The following CTNNA1 variants were observed in gnomAD, a reference collection of about 807,000 sequenced individuals.
CTNNA1 encodes the protein catenin alpha 1, also known as catenin alpha-1.
Under a neutral mutation model 98.4 loss-of-function variants are expected in CTNNA1, and 37 were observed. The ratio of observed to expected loss-of-function variants is 0.38; its 90% CI spans 0.29 to 0.49. The LOEUF (loss-of-function observed/expected upper bound fraction) is 0.49. Among genes scored for constraint, CTNNA1 ranks in the 20% least tolerant of loss-of-function variants. CTNNA1 has a pLI of 0.95. For missense variants in CTNNA1, 761 were observed against 1,147.2 expected (o/e 0.66, Z 4.86); for synonymous variants, 404 against 413.2 (o/e 0.98, Z 0.27).
At chr5:138,822,991 A>G (rs891232677) in intron 5 of CTNNA1, among the ~76,000 whole-genome samples, 1 of 152,144 alleles carries the variant, frequency 6.6e-6, no homozygotes, top group Non-Finnish European at 1.5e-5. Flanking sequence ...AACTTGGTCA[A>G]TTTTCTGTTA....
At chr5:138,860,273 C>G (rs977283474) in intron 7 of CTNNA1, among the ~76,000 whole-genome samples, 1 of 152,002 alleles carries the variant, frequency 6.6e-6, no homozygotes, top group African/African-American at 2.4e-5. Context: ...TCAGATAAAC[C>G]GTTTATAGTT....
chr5:138,827,166 T>C (rs1760809381), intron 6 of CTNNA1, among the ~76,000 whole-genome samples: 1 of 152,250 alleles, frequency 6.6e-6, no homozygotes, highest in Non-Finnish European at 1.5e-5. Flanking sequence ...GAGGTAACTT[T>C]TATTTTCCTT....
intron 16 of CTNNA1, chr5:138,931,758 GCT>G (rs762131395): frequency 1.8e-5 from 18 of 985,472 alleles, no homozygotes; most frequent in Non-Finnish European, 2.0e-5. Flanking sequence ...AGATCACATG[GCT>G]CTGCCCTGCT....
At chr5:138,911,748 G>A (rs1198883146) in intron 10 of CTNNA1, among the ~76,000 whole-genome samples, 1 of 152,192 alleles carries the variant, frequency 6.6e-6, no homozygotes. Context: ...TACATTTGTG[G>A]TAATTTATTA....
chr5:138,825,389 A>G (rs1760555818), intron 6 of CTNNA1, among the ~76,000 whole-genome samples: 1 of 151,620 alleles, frequency 6.6e-6, no homozygotes, highest in South Asian at 2.1e-4. Context: ...TGTCCTGTGT[A>G]CACAACTCTT....
chr5:138,785,216 T>C (rs1311357151), intron 3 of CTNNA1, among the ~76,000 whole-genome samples: 3 of 151,052 alleles, frequency 2.0e-5, no homozygotes, highest in South Asian at 2.1e-4. Context: ...CGCCCGCCAC[T>C]ACGCCCGGCT....
intron 11 of CTNNA1, among the ~76,000 whole-genome samples, chr5:138,922,218 C>T (rs1479664441): frequency 6.6e-6 from 1 of 152,124 alleles, no homozygotes; most frequent in South Asian, 2.1e-4. Flanking sequence ...CTTTTTAACT[C>T]GTGATCTAAC....
At chr5:138,902,451 G>A (rs1453625089) in intron 9 of CTNNA1, among the ~76,000 whole-genome samples, 1 of 152,148 alleles carries the variant, frequency 6.6e-6, no homozygotes, top group Non-Finnish European at 1.5e-5. Flanking sequence ...ACGGAGTCTC[G>A]CTCTGTCGCC....
intron 5 of CTNNA1, among the ~76,000 whole-genome samples, chr5:138,815,650 T>C (rs1759359727): frequency 6.6e-6 from 1 of 152,222 alleles, no homozygotes. Flanking sequence ...GTATAGTCTC[T>C]AAACTGCCTT....
intron 7 of CTNNA1, among the ~76,000 whole-genome samples, chr5:138,833,321 C>T (rs1336562910): frequency 6.6e-6 from 1 of 152,178 alleles, no homozygotes; most frequent in African/African-American, 2.4e-5. Flanking sequence ...TTCTAGCTCT[C>T]TGCTATTCAG....
intron 7 of CTNNA1, among the ~76,000 whole-genome samples, chr5:138,883,039 A>G (rs1226434848): frequency 6.6e-6 from 1 of 151,974 alleles, no homozygotes; most frequent in Non-Finnish European, 1.5e-5. Flanking sequence ...ATTTCACCAT[A>G]TTGGTCAGGC....
chr5:138,887,129 T>TTA (rs907990637), intron 8 of CTNNA1, among the ~76,000 whole-genome samples: 16 of 152,198 alleles, frequency 1.1e-4, no homozygotes, highest in Admixed American at 9.2e-4. Context: ...ATTAGGCTAA[T>TTA]TATATATATA....
At chr5:138,845,204 A>T (rs1196599773) in intron 7 of CTNNA1, among the ~76,000 whole-genome samples, 2 of 152,324 alleles carry the variant, frequency 1.3e-5, no homozygotes, top group Middle Eastern at 6.8e-3. Flanking sequence ...GGCCCACGAA[A>T]ATGAGCTGCT....
At chr5:138,854,832 A>G (rs1763579059) in intron 7 of CTNNA1, among the ~76,000 whole-genome samples, 1 of 151,928 alleles carries the variant, frequency 6.6e-6, no homozygotes, top group Non-Finnish European at 1.5e-5. Flanking sequence ...TGTACTTCAT[A>G]CTCCACGGGA....
chr5:138,914,874 G>A (rs1561727439), intron 10 of CTNNA1, among the ~76,000 whole-genome samples: 1 of 152,070 alleles, frequency 6.6e-6, no homozygotes, highest in South Asian at 2.1e-4. Flanking sequence ...TGGGCCGGGC[G>A]CAGTGGCTCC....
chr5:138,829,175 GA>G (rs1428409313), intron 7 of CTNNA1, among the ~76,000 whole-genome samples: 2 of 152,112 alleles, frequency 1.3e-5, no homozygotes, highest in Admixed American at 6.5e-5. Flanking sequence ...AATGAGATTA[GA>G]GGTTTTGTTA....
At position 138,813,312 on chromosome 5, in the gene CTNNA1, G is replaced by A. The variant is rs1759037541; in HGVS notation, c.588+1010G>A. On this transcript the variant is annotated intron_variant, in intron 5 of 17. Coordinates refer to ENST00000302763, the MANE Select transcript of CTNNA1 (RefSeq NM_001903.5). ...ACAAAAAGGACTGTTCCTTCCATAT[G>A]TCTCTCTTTATAAGCAAACAATCTA... 2.0e-5 allele frequency among the ~76,000 whole-genome samples: 3 copies of A among 152,290 alleles called. No homozygotes were observed. In the South Asian group the frequency reaches 6.2e-4, roughly 32 times the overall value.
rs1414571764 is a variant in CTNNA1 at position 138,930,549 on chromosome 5, G to A, written c.2087G>A (p.Ser696Asn). ...GTGGCCAGCTTCCAGGAAGAAAAGA[G>A]CAAGCTGGATGCTGAAGTGTCCAAA... The part of the protein sequence containing the change: ...EQVASFQEEK[S>N]KLDAEVSKWD... The change falls in exon 15 of 18, where the codon AGC becomes AAC. Residue 696 changes from serine to asparagine, a missense_variant. Ser to Asn is a conservative substitution (Grantham distance 46). This residue lies in a region of CTNNA1 where 77 missense variants were observed against 198.8 expected (regional missense o/e 0.39). Transcript: ENST00000302763. The A allele has an allele frequency of 6.2e-7, 1 of 1,613,888 alleles. No individual in the cohort carries two copies. The highest frequency in any genetic ancestry group is 8.5e-7 in the Non-Finnish European group (1 of 1,179,894).
intron 7 of CTNNA1, among the ~76,000 whole-genome samples, chr5:138,848,253 T>C (rs142418376): frequency 1.3e-5 from 2 of 152,374 alleles, no homozygotes; most frequent in African/African-American, 4.8e-5. Flanking sequence ...ATGATAATGG[T>C]GCCTATGCAC....
Sources: gnomAD v4.1 joint callset for allele counts (sites outside exome capture counted in the v4.1 genomes callset) on GRCh38, gnomAD v4.1.1 for gene constraint, gnomAD v4.1.1 regional missense constraint, MANE v1.5 for transcripts, NCBI Gene and HGNC (gene_info 2026-07-23, HGNC 2026-07-21) for gene names.